Variants in LGALSL observed in about 807,000 individuals in gnomAD.
LGALSL encodes galectin like.
In LGALSL, 13 loss-of-function variants were observed where a neutral mutation model predicts 19.5. The ratio of observed to expected loss-of-function variants is 0.67; its 90% CI spans 0.43 to 1.06. The LOEUF is 1.06. Among genes scored for constraint, LGALSL ranks in the 50% least tolerant of loss-of-function variants. The pLI, the probability that LGALSL is intolerant of heterozygous loss-of-function variation, is 0.00. For synonymous variants in LGALSL, 86 were observed against 78.3 expected (o/e 1.10, Z -0.52); for missense variants, 189 against 219.3 (o/e 0.86, Z 0.87).
rs1686808581 is a variant in LGALSL at position 64,460,513 on chromosome 2, T to G, written c.*2085T>G. ...CAGCAGAAACTAGAGGAGCAGGGCG[T>G]GTACTGATTGGAATTGACACGCTTA... is the stretch of plus-strand genomic sequence containing the variant. On this transcript the variant is annotated 3_prime_UTR_variant, in exon 5 of 5. Coordinates refer to ENST00000238875, the MANE Select transcript of LGALSL (RefSeq NM_014181.3). 1 of 152,186 alleles carries G rather than the reference T, an allele frequency of 6.6e-6. No individual in the cohort carries two copies. The highest frequency in any genetic ancestry group is 2.4e-5 in the African/African-American group (1 of 41,438). 9.4% of individuals were successfully genotyped at this position (152,186 alleles called of 1,614,324 possible). A position where few individuals can be genotyped will look rare whatever the true frequency, so the allele number is the denominator to read the frequency against.
At chr2:64,456,518 A>G in intron 4 of LGALSL, 53 bp downstream of exon 4, 1 of 1,418,754 alleles carries the variant, frequency 7.0e-7, no homozygotes, top group Admixed American at 2.5e-5. Flanking sequence ...ATAATGTTCG[A>G]CTTACCTAGT....
chr2:64,454,622 G>A lies in LGALSL; in HGVS notation c.36+41G>A. ...CGCGCGCGAGGCGCCCCTCCCCGCC[G>A]TCCCGCACTCCGCCGCCGCCTGCTC... On this transcript the variant is annotated intron_variant, in intron 1 of 4. Coordinates refer to ENST00000238875, the MANE Select transcript of LGALSL (RefSeq NM_014181.3). The surrounding 1 kb of genome is among the most constrained non-coding windows in gnomAD (Gnocchi z 5.1). 7.5e-7 allele frequency: 1 copy of A among 1,338,012 alleles called. No homozygotes were observed. The highest frequency in any genetic ancestry group is 9.7e-7 in the Non-Finnish European group (1 of 1,035,768). 82.9% of individuals were successfully genotyped at this position (1,338,012 alleles called of 1,614,324 possible).
chr2:64,454,905 C>T lies in LGALSL; in HGVS notation c.36+324C>T, dbSNP rs1203186988. Among the ~76,000 whole-genome samples, 2 of 152,056 alleles carry T rather than the reference C, an allele frequency of 1.3e-5. No homozygotes were observed. The highest frequency in any genetic ancestry group is 4.8e-5 in the African/African-American group (2 of 41,410). ...AGTGTGTCCGGGGCGCGCGCCCCGC[C>T]ACCGCCCCCGACGTACCGGGGATTC... On this transcript the variant is annotated intron_variant, in intron 1 of 4. Coordinates refer to ENST00000238875, the MANE Select transcript of LGALSL (RefSeq NM_014181.3). This position sits in a 1 kb window ranked among gnomAD's most constrained non-coding sequence, Gnocchi z 5.1.
intron 3 of LGALSL, 63 bp downstream of exon 3, chr2:64,455,740 T>C: frequency 1.6e-6 from 2 of 1,272,074 alleles, no homozygotes; most frequent in South Asian, 1.2e-5. Context: ...CCCACTTCTG[T>C]TGTGGTTTAG....
rs1462913751 is a variant in LGALSL at position 64,458,335 on chromosome 2, C to T, written c.426C>T (p.His142=). Residue 142 remains histidine, a synonymous_variant, in exon 5 of 5, where the codon CAC becomes CAT. Coordinates refer to ENST00000238875, the MANE Select transcript of LGALSL (RefSeq NM_014181.3). The part of the protein sequence containing the change: ...HPRFRVFVDG[H]QLFDFYHRIQ... ...GTTTCCGAGTGTTTGTGGATGGACA[C>T]CAACTTTTTGATTTTTACCATCGCA... 1 of 1,613,932 alleles carries T rather than the reference C, an allele frequency of 6.2e-7. No individual in the cohort carries two copies. The highest frequency in any genetic ancestry group is 1.1e-5 in the South Asian group (1 of 91,064).
rs769810964 is a variant in LGALSL, at chr2:64,456,346, G to A, written c.256G>A (p.Glu86Lys). The A allele has an allele frequency of 2.5e-6, 4 of 1,611,960 alleles. No individual in the cohort carries two copies. The highest frequency in any genetic ancestry group is 1.3e-5 in the African/African-American group (1 of 74,768). Residue 86 changes from glutamate to lysine, a missense_variant, in exon 4 of 5, where the codon GAA (glutamate) becomes AAA (lysine). By Grantham distance (56) the Glu-to-Lys change is moderately conservative. Transcript: ENST00000238875. ...AGACCCTCCTGCCGATGTGGCAATC[G>A]AACTCAAAGCTGTGTTCACAGATCG... ...SEDPPADVAI[E>K]LKAVFTDRQL...
Position 64,459,744 on chromosome 2 carries a change from A to G in LGALSL, c.*1316A>G, listed in dbSNP as rs1686788674. On this transcript the variant is annotated 3_prime_UTR_variant, in exon 5 of 5. Coordinates refer to ENST00000238875, the MANE Select transcript of LGALSL (RefSeq NM_014181.3). ...AATTAAGCTGTAGGTGTTACCCTGCACTTACGGAACTGATCAAACAGGTGA... is the reference window on the plus strand; with the variant it reads ...AATTAAGCTGTAGGTGTTACCCTGCGCTTACGGAACTGATCAAACAGGTGA... 1 of 152,244 alleles carries G rather than the reference A, an allele frequency of 6.6e-6. No homozygotes were observed. Among genetic ancestry groups the G allele is most frequent in the Non-Finnish European group, 1.5e-5 (1 of 68,054 alleles). The allele number at this position is 152,244 out of a possible 1,614,324, so 9.4% of individuals were successfully genotyped here.
At chr2:64,457,468 AAG>A (rs1686754675) in intron 4 of LGALSL, among the ~76,000 whole-genome samples, 2 of 152,146 alleles carry the variant, frequency 1.3e-5, no homozygotes, top group Non-Finnish European at 2.9e-5. Context: ...TGGTGTTAAA[AAG>A]GGGTCAGACC....
intron 4 of LGALSL, among the ~76,000 whole-genome samples, chr2:64,456,977 T>C (rs1252421918): frequency 6.6e-6 from 1 of 152,244 alleles, no homozygotes; most frequent in African/African-American, 2.4e-5. Context: ...GTCTATTTCA[T>C]GGTTACAGGC....
chr2:64,454,606 G>A lies in LGALSL; in HGVS notation c.36+25G>A. On this transcript the variant is annotated intron_variant, in intron 1 of 4. Coordinates refer to ENST00000238875, the MANE Select transcript of LGALSL (RefSeq NM_014181.3). This position sits in a 1 kb window ranked among gnomAD's most constrained non-coding sequence, Gnocchi z 5.1. ...GGTGAGTGTGGCAGGGCGCGCGCGA[G>A]GCGCCCCTCCCCGCCGTCCCGCACT... is the stretch of plus-strand genomic sequence containing the variant. 1 of 1,387,272 alleles carries A rather than the reference G, an allele frequency of 7.2e-7. No individual in the cohort carries two copies. Among genetic ancestry groups the A allele is most frequent in the Non-Finnish European group, 9.4e-7 (1 of 1,063,774 alleles). The allele number at this position is 1,387,272 out of a possible 1,614,324, so 85.9% of individuals were successfully genotyped here.
In LGALSL at chr2:64,454,289, C is replaced by T. The variant is rs987299076; in HGVS notation, c.-257C>T. On this transcript the variant is annotated 5_prime_UTR_variant, in exon 1 of 5. Coordinates refer to ENST00000238875, the MANE Select transcript of LGALSL (RefSeq NM_014181.3). This position sits in a 1 kb window ranked among gnomAD's most constrained non-coding sequence, Gnocchi z 5.1. ...GCGGCAGCAAGCAGCCCCGTCGGCCCGGGTCCGGGGCCGTTCTGGGCCGCG... is the reference window on the plus strand; with the variant it reads ...GCGGCAGCAAGCAGCCCCGTCGGCCTGGGTCCGGGGCCGTTCTGGGCCGCG... 1.3e-5 allele frequency: 5 copies of T among 395,368 alleles called. No individual in the cohort carries two copies. In the Admixed American group the frequency reaches 1.8e-4, roughly 14 times the overall value. The allele number at this position is 395,368 out of a possible 1,614,324, so 24.5% of individuals were successfully genotyped here. A position where few individuals can be genotyped will look rare whatever the true frequency, so the allele number is the denominator to read the frequency against.
rs2103705593 is a variant in LGALSL at position 64,454,956 on chromosome 2, G to C, written c.36+375G>C. 6.6e-6 allele frequency among the ~76,000 whole-genome samples: 1 copy of C among 152,338 alleles called. No homozygotes were observed. The highest frequency in any genetic ancestry group is 2.1e-4 in the South Asian group (1 of 4,826). Reference sequence around the variant, plus strand: ...CCCCTTGGAAATGGGTCGGCGCCCGGGGCTCCCGAGAGAAGTTGAGCACGG... The same window carrying C: ...CCCCTTGGAAATGGGTCGGCGCCCGCGGCTCCCGAGAGAAGTTGAGCACGG... On this transcript the variant is annotated intron_variant, in intron 1 of 4. Transcript: ENST00000238875. The surrounding 1 kb of genome is among the most constrained non-coding windows in gnomAD (Gnocchi z 5.1).
Position 64,458,201 on chromosome 2 carries a change from C to G in LGALSL, c.376-84C>G, listed in dbSNP as rs566924326. 3.1e-5 allele frequency: 40 copies of G among 1,283,012 alleles called. No homozygotes were observed. The South Asian group carries it at 4.7e-4, about 15-fold the overall frequency. 79.5% of individuals were successfully genotyped at this position (1,283,012 alleles called of 1,614,324 possible). A position where few individuals can be genotyped will look rare whatever the true frequency, so the allele number is the denominator to read the frequency against. The stretch of plus-strand genomic sequence containing the variant: ...TGTTTGTGAACCACTGAAGATACTG[C>G]CTTTCTTTCTCTAAAATGAAGTATT... On this transcript the variant is annotated intron_variant, in intron 4 of 4. Transcript: ENST00000238875.
rs751750546 is a variant in LGALSL, at chr2:64,458,330, G to A, written c.421G>A (p.Gly141Arg). The A allele has an allele frequency of 8.7e-6, 14 of 1,613,794 alleles. No individual in the cohort carries two copies. The highest frequency in any genetic ancestry group is 1.1e-5 in the Non-Finnish European group (13 of 1,179,748). ...CCCACGTTTCCGAGTGTTTGTGGATGGACACCAACTTTTTGATTTTTACCA... is the reference window on the plus strand; with the variant it reads ...CCCACGTTTCCGAGTGTTTGTGGATAGACACCAACTTTTTGATTTTTACCA... ...EHPRFRVFVD[G>R]HQLFDFYHRI... is the part of the protein sequence containing the mutation. Residue 141 changes from glycine to arginine, a missense_variant, in exon 5 of 5, where the codon GGA becomes AGA. Transcript: ENST00000238875.
Position 64,459,782 on chromosome 2 carries a change from G to A in LGALSL, c.*1354G>A, listed in dbSNP as rs1686789393. The A allele has an allele frequency of 6.6e-6, 1 of 152,188 alleles. No homozygotes were observed. The highest frequency in any genetic ancestry group is 2.4e-5 in the African/African-American group (1 of 41,436). The allele number at this position is 152,188 out of a possible 1,614,324, so 9.4% of individuals were successfully genotyped here. A position where few individuals can be genotyped will look rare whatever the true frequency, so the allele number is the denominator to read the frequency against. ...ATCAAACAGGTGACTCCAACAGGAG[G>A]TTGCAGTACTGTAAACGTCACCGCA... On this transcript the variant is annotated 3_prime_UTR_variant, in exon 5 of 5. Coordinates refer to ENST00000238875, the MANE Select transcript of LGALSL (RefSeq NM_014181.3).
intron 4 of LGALSL, among the ~76,000 whole-genome samples, chr2:64,458,039 A>G (rs1686763030): frequency 6.6e-6 from 1 of 152,232 alleles, no homozygotes; most frequent in Non-Finnish European, 1.5e-5. Flanking sequence ...GCACACTACC[A>G]GTAATTGAAC....
At chr2:64,456,619 G>C (rs1686741117) in intron 4 of LGALSL, among the ~76,000 whole-genome samples, 154 bp downstream of exon 4, 1 of 152,156 alleles carries the variant, frequency 6.6e-6, no homozygotes, top group Non-Finnish European at 1.5e-5. Context: ...AAAGAGCTCT[G>C]TTTGCTGATA....
At chr2:64,456,720 A>G (rs571333200) in intron 4 of LGALSL, among the ~76,000 whole-genome samples, 1 of 152,356 alleles carries the variant, frequency 6.6e-6, no homozygotes, top group East Asian at 1.9e-4. Context: ...TGTTAAGAAT[A>G]AGTAACTTTT....
Position 64,458,477 on chromosome 2 carries a change from CTGTT to C in LGALSL, c.*50_*53del. On this transcript the variant is annotated 3_prime_UTR_variant, in exon 5 of 5. Transcript: ENST00000238875. ...AGGATCACGTGCCACAACTATCTGACTGTTGGTCTGGAAGAAGTGTCCTAGCAAG... is the reference window on the plus strand; with the variant it reads ...AGGATCACGTGCCACAACTATCTGACGGTCTGGAAGAAGTGTCCTAGCAAG... The C allele has an allele frequency of 6.4e-7, 1 of 1,558,298 alleles. No individual in the cohort carries two copies. The highest frequency in any genetic ancestry group is 8.8e-7 in the Non-Finnish European group (1 of 1,140,828).
Sources: allele counts gnomAD v4.1 joint callset (sites outside exome capture counted in the v4.1 genomes callset), GRCh38; gene constraint gnomAD v4.1.1; non-coding constraint Gnocchi (gnomAD v3.1); transcripts MANE v1.5; gene names NCBI Gene and HGNC (gene_info 2026-07-23, HGNC 2026-07-21).